CMIP: variants seen among roughly 807,000 people sequenced by gnomAD.
The protein encoded by CMIP is C-Maf-inducing protein.
Under a neutral mutation model 97.3 loss-of-function variants are expected in CMIP, and 13 were observed. The observed-to-expected ratio is 0.13, with a 90% CI of 0.09 to 0.21. The LOEUF is 0.21. CMIP is among the 10% of genes least tolerant of loss of function. CMIP has a pLI of 1.00. For missense variants in CMIP, 847 were observed against 1,024.9 expected (o/e 0.83, Z 2.37); for synonymous variants, 538 against 436.3 (o/e 1.23, Z -2.91).
chr16:81,495,659 G>A (rs991980184), intron 1 of CMIP, among the ~76,000 whole-genome samples: 1 of 152,216 alleles, frequency 6.6e-6, no homozygotes, highest in Non-Finnish European at 1.5e-5. Flanking sequence ...CTCTTTTTAT[G>A]TTTGTGGGAG....
chr16:81,701,745 T>C lies in CMIP; in HGVS notation c.1841T>C (p.Val614Ala). The C allele has an allele frequency of 6.2e-7, 1 of 1,613,734 alleles. No individual in the cohort carries two copies. The highest frequency in any genetic ancestry group is 2.2e-5 in the East Asian group (1 of 44,874). The change falls in exon 16 of 21, where the codon GTG becomes GCG. Residue 614 changes from valine (V) to alanine (A), a missense_variant. This residue lies in a region of CMIP where 266 missense variants were observed against 384.2 expected (regional missense o/e 0.69). Coordinates refer to ENST00000537098, the MANE Select transcript of CMIP (RefSeq NM_198390.3). ...ATCTCAACCCTGGAGAGCACAGACGTGGGGAAGCGCATGTACGAGCAGCTG... is the reference window on the plus strand; with the variant it reads ...ATCTCAACCCTGGAGAGCACAGACGCGGGGAAGCGCATGTACGAGCAGCTG... ...QIISTLESTDVGKRMYEQLCD... is the reference protein window; with the variant it reads ...QIISTLESTDAGKRMYEQLCD...
At chr16:81,629,660 C>T (rs920803534) in intron 3 of CMIP, among the ~76,000 whole-genome samples, 6 of 152,244 alleles carry the variant, frequency 3.9e-5, no homozygotes, top group Admixed American at 2.6e-4. Flanking sequence ...TCCATCTTCA[C>T]GCAGCCATTT....
intron 1 of CMIP, among the ~76,000 whole-genome samples, chr16:81,510,348 CTAA>C (rs2089787593): frequency 6.6e-6 from 1 of 152,130 alleles, no homozygotes; most frequent in Non-Finnish European, 1.5e-5. Context: ...GATGTTTTTG[CTAA>C]TAATAATGAT....
At chr16:81,511,244 CT>C (rs1220103753) in intron 1 of CMIP, among the ~76,000 whole-genome samples, 1 of 152,166 alleles carries the variant, frequency 6.6e-6, no homozygotes, top group East Asian at 1.9e-4. Context: ...AATAAAGTAT[CT>C]TTTAACAAAT....
intron 3 of CMIP, among the ~76,000 whole-genome samples, chr16:81,642,306 C>T (rs952680363): frequency 9.2e-5 from 14 of 152,138 alleles, no homozygotes; most frequent in Non-Finnish European, 2.1e-4. Flanking sequence ...GTATCATTTC[C>T]CCCACTCCCT....
At chr16:81,618,346 C>T (rs1005862685) in intron 2 of CMIP, among the ~76,000 whole-genome samples, 15 of 152,194 alleles carry the variant, frequency 9.9e-5, no homozygotes, top group Non-Finnish European at 1.6e-4. Flanking sequence ...TGCCCTCCTG[C>T]CTCCCTCTTG....
chr16:81,471,346 G>A (rs1907529666), intron 1 of CMIP, among the ~76,000 whole-genome samples: 1 of 152,160 alleles, frequency 6.6e-6, no homozygotes, highest in South Asian at 2.1e-4. Context: ...ATATGTATAG[G>A]TGCACACATA....
chr16:81,506,643 G>A (rs1185781918), intron 1 of CMIP, among the ~76,000 whole-genome samples: 3 of 152,218 alleles, frequency 2.0e-5, no homozygotes, highest in Non-Finnish European at 4.4e-5. Flanking sequence ...GTTTGAAATG[G>A]CTCACTCATG....
At chr16:81,561,794 A>T (rs1459465846) in intron 1 of CMIP, among the ~76,000 whole-genome samples, 2 of 152,342 alleles carry the variant, frequency 1.3e-5, no homozygotes, top group South Asian at 2.1e-4. Context: ...AATTGAAGCA[A>T]TAAAGTTGAA....
At chr16:81,696,842 C>A in intron 14 of CMIP, 175 bp downstream of exon 14, 1 of 633,108 alleles carries the variant, frequency 1.6e-6, no homozygotes, top group South Asian at 2.0e-5. Context: ...GTGACTGTCA[C>A]TTACTCATTT....
At chr16:81,578,670 A>ACC (rs1491399516) in intron 1 of CMIP, among the ~76,000 whole-genome samples, 8 of 152,162 alleles carry the variant, frequency 5.3e-5, no homozygotes, top group African/African-American at 1.9e-4. Flanking sequence ...CCAGTTGGAT[A>ACC]AAGACATTTT....
rs149270976 is a variant in CMIP, at chr16:81,708,777, A to G, written c.2269-969A>G. On this transcript the variant is annotated intron_variant, in intron 20 of 20. Transcript: ENST00000537098. ...TTGAAAGGCTGGCTTAGTATGCTTT[A>G]TAGCACTGCAGGTGGCTGCAGGTCC... Among the ~76,000 whole-genome samples, 873 of 152,348 alleles carry G rather than the reference A, an allele frequency of 5.7e-3. 18 individuals carry two copies. Among genetic ancestry groups the G allele is most frequent in the East Asian group, 0.015 (79 of 5,186 alleles).
At chr16:81,656,293 A>T (rs910058887) in intron 4 of CMIP, among the ~76,000 whole-genome samples, 2 of 152,242 alleles carry the variant, frequency 1.3e-5, no homozygotes, top group Non-Finnish European at 2.9e-5. Flanking sequence ...CTGTAAACAC[A>T]TTAGATACCC....
At chr16:81,484,996 G>A (rs1341938623) in intron 1 of CMIP, among the ~76,000 whole-genome samples, 1 of 151,994 alleles carries the variant, frequency 6.6e-6, no homozygotes, top group African/African-American at 2.4e-5. Context: ...GTTTAGAGCA[G>A]CAGTTTCCAA....
intron 1 of CMIP, among the ~76,000 whole-genome samples, chr16:81,601,263 C>G (rs1266440392): frequency 1.3e-5 from 2 of 152,196 alleles, no homozygotes; most frequent in Admixed American, 6.5e-5. Context: ...TTTGAGTCAG[C>G]CTGGACGTCA....
rs781781212 is a variant in CMIP at position 81,703,941 on chromosome 16, C to T, written c.1947C>T (p.Asp649=). The T allele has an allele frequency of 2.4e-5, 39 of 1,594,618 alleles. No homozygotes were observed. The highest frequency in any genetic ancestry group is 6.8e-5 in the East Asian group (3 of 43,984). ...GCCTCTCCCCCGTCTGCCCGCAGGA[C>T]GCTGACTTGGCTCGTTTGCTGAGCT... is the stretch of plus-strand genomic sequence containing the variant. ...TRLTLPSKST[D]ADLARLLSSG... Residue 649 remains aspartate, a splice_region_variant and synonymous_variant, in exon 18 of 21, where the codon GAC becomes GAT. Transcript: ENST00000537098.
chr16:81,479,228 C>G (rs1451419636), intron 1 of CMIP, among the ~76,000 whole-genome samples: 2 of 152,056 alleles, frequency 1.3e-5, no homozygotes, highest in Non-Finnish European at 2.9e-5. Flanking sequence ...AAGTTGCTCG[C>G]CTGGAAAAAC....
chr16:81,459,779 G>A (rs941120027), intron 1 of CMIP, among the ~76,000 whole-genome samples: 4 of 152,142 alleles, frequency 2.6e-5, no homozygotes, highest in African/African-American at 9.7e-5. Flanking sequence ...TCCCCCACTC[G>A]GGTCTGCAGT....
At chr16:81,677,006 G>C (rs1395816537) in intron 9 of CMIP, among the ~76,000 whole-genome samples, 1 of 152,188 alleles carries the variant, frequency 6.6e-6, no homozygotes, top group Non-Finnish European at 1.5e-5. Flanking sequence ...GACCACACAC[G>C]AGGAGCCTTA....
Sources: allele counts gnomAD v4.1 joint callset (sites outside exome capture counted in the v4.1 genomes callset), GRCh38; gene constraint gnomAD v4.1.1; regional missense constraint gnomAD v4.1.1; transcripts MANE v1.5; gene names NCBI Gene and HGNC (gene_info 2026-07-23, HGNC 2026-07-21).